DPP6: variants seen among roughly 807,000 people sequenced by gnomAD.
DPP6 encodes dipeptidyl peptidase like 6, also known as A-type potassium channel modulatory protein DPP6.
Under a neutral mutation model 122.6 loss-of-function variants are expected in DPP6, and 69 were observed. The ratio of observed to expected loss-of-function variants is 0.56; its 90% confidence interval spans 0.46 to 0.69. The LOEUF is 0.69. Among genes scored for constraint, DPP6 ranks in the 30% least tolerant of loss-of-function variants. DPP6 has a pLI of 0.00. For missense variants in DPP6, 928 were observed against 1,116.9 expected, an observed-to-expected ratio of 0.83 and a Z score of 2.41; for synonymous variants, 418 against 433.1, an observed-to-expected ratio of 0.97 and a Z score of 0.43.
chr7:154,627,005 T>C (rs1217761943), intron 5 of DPP6, among the ~76,000 whole-genome samples: 11 of 54,312 alleles, frequency 2.0e-4, no homozygotes, highest in African/African-American at 1.3e-3. Flanking sequence ...TTTTTCTTTT[T>C]TTTTTTTTTT....
chr7:154,694,688 A>C (rs1046609488), intron 7 of DPP6, among the ~76,000 whole-genome samples: 3 of 152,122 alleles, frequency 2.0e-5, no homozygotes, highest in African/African-American at 7.2e-5. Context: ...CAGCCTTTCA[A>C]TCCTTGATGT....
chr7:154,459,708 T>C (rs1465519559), intron 2 of DPP6, among the ~76,000 whole-genome samples: 1 of 148,980 alleles, frequency 6.7e-6, no homozygotes, highest in East Asian at 2.0e-4. Context: ...TCCCAGCTAC[T>C]TGGGAGGCTG....
intron 8 of DPP6, among the ~76,000 whole-genome samples, chr7:154,750,710 C>T (rs750587741): frequency 6.6e-6 from 1 of 152,202 alleles, no homozygotes; most frequent in African/African-American, 2.4e-5. Context: ...GAGAGACAAG[C>T]GTGCCGTGTG....
intron 6 of DPP6, among the ~76,000 whole-genome samples, chr7:154,638,292 A>T (rs922946481): frequency 6.6e-6 from 1 of 152,176 alleles, no homozygotes; most frequent in Non-Finnish European, 1.5e-5. Context: ...AGCCCACCAC[A>T]TGTCATCAGA....
the DPP6 span, among the ~76,000 whole-genome samples, chr7:153,826,813 TC>T: frequency 6.6e-6 from 1 of 152,030 alleles, no homozygotes; most frequent in Non-Finnish European, 1.5e-5. Flanking sequence ...TCTCTGCTGA[TC>T]TTTGCTTAAA....
rs1459725398 is a variant in DPP6 at position 154,760,843 on chromosome 7, T to G, written c.884-8574T>G. Among the ~76,000 whole-genome samples, 2 of 150,278 alleles carry G rather than the reference T, an allele frequency of 1.3e-5. No individual in the cohort carries two copies. The highest frequency in any genetic ancestry group is 2.0e-4 in the East Asian group (1 of 5,108). On this transcript the variant is annotated intron_variant, in intron 8 of 25. Transcript: ENST00000377770. The surrounding 1 kb of genome is among the most constrained non-coding windows in gnomAD (Gnocchi z 4.5). ...AGCCTTCCTCTTTCAAAACTTTTGTTTTTTTTTTTTTGAGACAGTCTTGCT... is the reference window on the plus strand; with the variant it reads ...AGCCTTCCTCTTTCAAAACTTTTGTGTTTTTTTTTTTGAGACAGTCTTGCT...
At chr7:154,691,759 C>T (rs1839945274) in intron 7 of DPP6, among the ~76,000 whole-genome samples, 1 of 151,740 alleles carries the variant, frequency 6.6e-6, no homozygotes, top group Admixed American at 6.6e-5. Context: ...GTGGAGGTGG[C>T]GGTGAGCCAA....
At chr7:154,362,941 G>T (rs1282193987) in intron 1 of DPP6, among the ~76,000 whole-genome samples, 2 of 152,192 alleles carry the variant, frequency 1.3e-5, no homozygotes, top group African/African-American at 4.8e-5. Context: ...CTGCAGTTTT[G>T]CAGGGTCTCA....
chr7:154,197,567 C>T (rs1013094657), intron 1 of DPP6, among the ~76,000 whole-genome samples: 30 of 152,254 alleles, frequency 2.0e-4, no homozygotes, highest in African/African-American at 5.5e-4. Flanking sequence ...ACATCCAGCG[C>T]CTTCCCTGAA....
intron 3 of DPP6, among the ~76,000 whole-genome samples, chr7:154,496,833 G>T (rs533937001): frequency 1.3e-4 from 20 of 152,292 alleles, no homozygotes; most frequent in African/African-American, 4.6e-4. Flanking sequence ...TTGTTTAGAT[G>T]ACTGGTGTAG....
chr7:154,023,318 G>GCACGCGCGCACACA lies in DPP6; in HGVS notation c.51+135587_51+135588insGCGCGCACACACAC, dbSNP rs373378162. 1.9e-3 allele frequency among the ~76,000 whole-genome samples: 242 copies of GCACGCGCGCACACA among 129,610 alleles called. 3 individuals carry two copies. Among genetic ancestry groups the GCACGCGCGCACACA allele is most frequent in the African/African-American group, 7.3e-3 (226 of 31,170 alleles). The allele number at this position is 129,610 out of a possible 152,430, so 85.0% of individuals were successfully genotyped here. Reference sequence around the variant, plus strand: ...CAGGCTCTGGAAATGTTTCTTGTCTGCACACACACACACACACACACACAC... The same window carrying GCACGCGCGCACACA: ...CAGGCTCTGGAAATGTTTCTTGTCTGCACGCGCGCACACACACACACACACACACACACACACAC... On this transcript the variant is annotated intron_variant, in intron 1 of 25. Transcript: ENST00000404039.
intron 1 of DPP6, among the ~76,000 whole-genome samples, chr7:154,356,521 T>G (rs1385440141): frequency 1.3e-5 from 2 of 152,056 alleles, no homozygotes; most frequent in Non-Finnish European, 2.9e-5. Flanking sequence ...TGAGCTGTGA[T>G]TGTACCACTG....
At chr7:153,869,915 A>C in the DPP6 span, among the ~76,000 whole-genome samples, 1 of 152,180 alleles carries the variant, frequency 6.6e-6, no homozygotes, top group South Asian at 2.1e-4. Context: ...TATGAAGCTT[A>C]GTTTGGCTGG....
At chr7:154,594,695 C>T (rs555479110) in intron 5 of DPP6, among the ~76,000 whole-genome samples, 15 of 152,252 alleles carry the variant, frequency 9.9e-5, no homozygotes, top group African/African-American at 1.4e-4. Context: ...GCTTTCCCTC[C>T]GCCCTTGGCA....
chr7:154,521,970 T>C (rs1827017876), intron 3 of DPP6, among the ~76,000 whole-genome samples: 1 of 151,374 alleles, frequency 6.6e-6, no homozygotes, highest in Non-Finnish European at 1.5e-5. Context: ...TTCTAACTCT[T>C]TTTTTTTTCT....
At chr7:153,870,307 T>C in the DPP6 span, among the ~76,000 whole-genome samples, 1 of 152,202 alleles carries the variant, frequency 6.6e-6, no homozygotes, top group East Asian at 1.9e-4. Flanking sequence ...GTAGATTTGG[T>C]CTTTTCACAT....
intron 1 of DPP6, among the ~76,000 whole-genome samples, chr7:154,385,039 C>T (rs959875689): frequency 4.6e-5 from 7 of 152,152 alleles, no homozygotes; most frequent in East Asian, 1.9e-4. Context: ...GGTGCGATCT[C>T]GGCTCACGGC....
At chr7:154,196,266 G>A (rs1030682125) in intron 1 of DPP6, among the ~76,000 whole-genome samples, 1 of 152,190 alleles carries the variant, frequency 6.6e-6, no homozygotes, top group Non-Finnish European at 1.5e-5. Context: ...GAGGCGAGTG[G>A]ATCACTTGAG....
chr7:153,887,760 C>G (rs777175723), intron 1 of DPP6: 1 of 1,611,414 alleles, frequency 6.2e-7, no homozygotes, highest in Non-Finnish European at 8.5e-7. Context: ...AGGGCGCGCG[C>G]TGGGTCGGGG....
Sources: allele counts gnomAD v4.1 joint callset (sites outside exome capture counted in the v4.1 genomes callset), GRCh38; gene constraint gnomAD v4.1.1; non-coding constraint Gnocchi (gnomAD v3.1); transcripts MANE v1.5; gene names NCBI Gene and HGNC (gene_info 2026-07-23, HGNC 2026-07-21).